Variants in HYAL3 observed in about 807,000 individuals in gnomAD.
The protein encoded by HYAL3 is hyaluronidase 3.
Under a neutral mutation model 29.6 loss-of-function variants are expected in HYAL3, and 25 were observed. That is an observed-to-expected ratio of 0.85 (90% CI 0.62 to 1.18). HYAL3 has a LOEUF of 1.18. Ranked by LOEUF, HYAL3 falls within the 50% of genes most tolerant of loss-of-function variation. The pLI, the probability that HYAL3 is intolerant of heterozygous loss-of-function variation, is 0.00. For synonymous variants in HYAL3, 215 were observed against 218.3 expected (o/e 0.99, Z 0.13); for missense variants, 442 against 548.4 (o/e 0.81, Z 1.94).
intron 2 of HYAL3, 107 bp downstream of exon 2, chr3:50,294,602 G>GAACGCCTAGATTAGGACC: frequency 2.1e-6 from 2 of 937,092 alleles, no homozygotes; most frequent in Non-Finnish European, 3.0e-6. Flanking sequence ...CTTCCGCTGA[G>GAACGCCTAGATTAGGACC]AACGCCTAGA....
chr3:50,297,447 C>T lies in HYAL3; in HGVS notation c.-18+1766G>A, dbSNP rs782058461. On this transcript the variant is annotated intron_variant, in intron 1 of 3. Transcript: ENST00000336307. The surrounding 1 kb of genome is among the most constrained non-coding windows in gnomAD (Gnocchi z 4.3). ...CAGAGTCAGCTCAGCTGGGCTGGTA[C>T]TCAGGATCAGCTCCATCCGGTGTGT... 1.2e-6 allele frequency: 2 copies of T among 1,608,106 alleles called. No individual in the cohort carries two copies. Among genetic ancestry groups the T allele is most frequent in the Non-Finnish European group, 1.7e-6 (2 of 1,176,832 alleles).
At position 50,299,389 on chromosome 3, in the gene HYAL3, C is replaced by A; in HGVS notation, c.-194G>T. ...CGGCGTTCTAAGGCCTCCCAGCACC[C>A]GCGCGTCGCCGCTTAGAACCCGCCC... On this transcript the variant is annotated 5_prime_UTR_variant, in exon 1 of 4. Transcript: ENST00000336307. 1.4e-6 allele frequency: 2 copies of A among 1,410,770 alleles called. No individual in the cohort carries two copies. The highest frequency in any genetic ancestry group is 1.9e-6 in the Non-Finnish European group (2 of 1,043,884). The allele number at this position is 1,410,770 out of a possible 1,614,324, so 87.4% of individuals were successfully genotyped here. A position where few individuals can be genotyped will look rare whatever the true frequency, so the allele number is the denominator to read the frequency against.
In HYAL3 at chr3:50,293,389, C is replaced by G. The variant is rs1553710371; in HGVS notation, c.1111G>C (p.Asp371His). 4 of 1,613,626 alleles carry G rather than the reference C, an allele frequency of 2.5e-6. No individual in the cohort carries two copies. Among genetic ancestry groups the G allele is most frequent in the Non-Finnish European group, 3.4e-6 (4 of 1,180,028 alleles). Reference protein sequence around the residue: ...CHGHGRCARRDPGQMEAFLHL... With the variant: ...CHGHGRCARRHPGQMEAFLHL... ...AGAAAGGCTTCCATCTGTCCTGGAT[C>G]TCGCCGGGCACAGCGCCCGTGGCCA... is the stretch of plus-strand genomic sequence containing the variant. The change falls in exon 4 of 4, where the codon GAT becomes CAT. Residue 371 changes from aspartate (D) to histidine (H), a missense_variant. Asp to His is a moderately conservative substitution (Grantham distance 81). Coordinates refer to ENST00000336307, the MANE Select transcript of HYAL3 (RefSeq NM_003549.4).
intron 1 of HYAL3, among the ~76,000 whole-genome samples, chr3:50,296,195 G>A (rs1448233069): frequency 6.6e-6 from 1 of 152,160 alleles, no homozygotes; most frequent in African/African-American, 2.4e-5. Context: ...CACACAGTAG[G>A]TGCTCAGTGA....
At chr3:50,294,375 C>G (rs1701762397) in intron 2 of HYAL3, among the ~76,000 whole-genome samples, 1 of 152,158 alleles carries the variant, frequency 6.6e-6, no homozygotes, top group South Asian at 2.1e-4. Flanking sequence ...TCAAGGAATC[C>G]TTCCATCTCA....
In HYAL3 at chr3:50,297,067, G is replaced by A. The variant is rs782356090; in HGVS notation, c.-17-1448C>T. 2.6e-6 allele frequency: 4 copies of A among 1,535,956 alleles called. No homozygotes were observed. Among genetic ancestry groups the A allele is most frequent in the East Asian group, 4.5e-5 (2 of 44,190 alleles). The stretch of plus-strand genomic sequence containing the variant: ...ACTGTCTCCACTAAGAGGCTCTGGG[G>A]CTGGTTCAGCACCCGTGACAGGCGG... On this transcript the variant is annotated intron_variant, in intron 1 of 3. Transcript: ENST00000336307. This position sits in a 1 kb window ranked among gnomAD's most constrained non-coding sequence, Gnocchi z 4.3.
intron 1 of HYAL3, chr3:50,296,941 T>C: frequency 6.2e-7 from 1 of 1,607,392 alleles, no homozygotes; most frequent in Non-Finnish European, 8.5e-7. Flanking sequence ...TCATGGGTGG[T>C]GAGATGCAGC....
chr3:50,295,842 CT>C, intron 1 of HYAL3: 1 of 546,328 alleles, frequency 1.8e-6, no homozygotes. Flanking sequence ...CCAAAGCGGG[CT>C]TTACAGTGAG....
intron 2 of HYAL3, 118 bp from the exon 3 acceptor site, chr3:50,293,839 G>T: frequency 1.1e-6 from 1 of 913,826 alleles, no homozygotes; most frequent in Non-Finnish European, 1.7e-6. Flanking sequence ...TCTACAGTAG[G>T]GACTCTCTAG....
At chr3:50,298,438 C>A (rs1701955101) in intron 1 of HYAL3, among the ~76,000 whole-genome samples, 1 of 151,904 alleles carries the variant, frequency 6.6e-6, no homozygotes, top group Admixed American at 6.6e-5. Flanking sequence ...TGGGCCTGGC[C>A]CACAGTCACA....
At position 50,293,212 on chromosome 3, in the gene HYAL3, G is replaced by T. The variant is rs1701722487; in HGVS notation, c.*34C>A. On this transcript the variant is annotated 3_prime_UTR_variant, in exon 4 of 4. Transcript: ENST00000336307. ...TTCCAGGACTGGAAAAGTGGCAGCA[G>T]GGAAAAGAAGAGGCAGTGGCAGGGG... 1 of 1,612,824 alleles carries T rather than the reference G, an allele frequency of 6.2e-7. No individual in the cohort carries two copies. The highest frequency in any genetic ancestry group is 1.1e-5 in the South Asian group (1 of 90,936).
Position 50,297,502 on chromosome 3 carries a change from G to A in HYAL3, c.-18+1711C>T. The stretch of plus-strand genomic sequence containing the variant: ...TCTAGTGTAGGGGTCAGCTTGGCTG[G>A]GCCAGGGCTCAGAGTCAGCTCTTGC... On this transcript the variant is annotated intron_variant, in intron 1 of 3. Transcript: ENST00000336307. The surrounding 1 kb of genome is among the most constrained non-coding windows in gnomAD (Gnocchi z 4.3). 7 of 1,547,088 alleles carry A rather than the reference G, an allele frequency of 4.5e-6. No individual in the cohort carries two copies. The highest frequency in any genetic ancestry group is 6.1e-6 in the Non-Finnish European group (7 of 1,143,022).
chr3:50,297,400 G>A lies in HYAL3; in HGVS notation c.-17-1781C>T, dbSNP rs782453794. 1 of 1,613,480 alleles carries A rather than the reference G, an allele frequency of 6.2e-7. No homozygotes were observed. The highest frequency in any genetic ancestry group is 8.5e-7 in the Non-Finnish European group (1 of 1,179,718). On this transcript the variant is annotated intron_variant, in intron 1 of 3. Transcript: ENST00000336307. This position sits in a 1 kb window ranked among gnomAD's most constrained non-coding sequence, Gnocchi z 4.3. ...GGTTGGCATGTGGAATCCAGGGGCA[G>A]CTTTGGCTGGCACGCAGGATCCAGA...
Position 50,297,251 on chromosome 3 carries a change from G to T in HYAL3, c.-17-1632C>A. 2 of 1,611,454 alleles carry T rather than the reference G, an allele frequency of 1.2e-6. No individual in the cohort carries two copies. Among genetic ancestry groups the T allele is most frequent in the Non-Finnish European group, 1.7e-6 (2 of 1,178,240 alleles). On this transcript the variant is annotated intron_variant, in intron 1 of 3. Coordinates refer to ENST00000336307, the MANE Select transcript of HYAL3 (RefSeq NM_003549.4). This position sits in a 1 kb window ranked among gnomAD's most constrained non-coding sequence, Gnocchi z 4.3. ...TGATGAGGTCAGCACAAGCATCCAG[G>T]AGCTCGGGTCGGCGGTGCACAGGCT...
In HYAL3 at chr3:50,292,952, T is replaced by C. The variant is rs149282865; in HGVS notation, c.*294A>G. ...GCACGGCCCATCTGTGACCTCTCCATGGGCTTAGTGAGGTGTAGGCACAAA... is the reference window on the plus strand; with the variant it reads ...GCACGGCCCATCTGTGACCTCTCCACGGGCTTAGTGAGGTGTAGGCACAAA... On this transcript the variant is annotated 3_prime_UTR_variant, in exon 4 of 4. Coordinates refer to ENST00000336307, the MANE Select transcript of HYAL3 (RefSeq NM_003549.4). 1.3e-4 allele frequency: 201 copies of C among 1,535,228 alleles called. 1 individual carries two copies. In the East Asian group the frequency reaches 4.8e-3, roughly 37 times the overall value.
rs1035668942 is a variant in HYAL3, at chr3:50,296,536, G to A, written c.-17-917C>T. The stretch of plus-strand genomic sequence containing the variant: ...CTAGGGGCTGAGGTATGGTCAGTGG[G>A]CTGAGGCTTGTAGACTGTCGGGGCA... On this transcript the variant is annotated intron_variant, in intron 1 of 3. Coordinates refer to ENST00000336307, the MANE Select transcript of HYAL3 (RefSeq NM_003549.4). 8.4e-6 allele frequency: 13 copies of A among 1,551,060 alleles called. No individual in the cohort carries two copies. In the African/African-American group the frequency reaches 1.6e-4, roughly 19 times the overall value.
Position 50,296,637 on chromosome 3 carries a change from C to A in HYAL3, c.-17-1018G>T, listed in dbSNP as rs377507869. 11 of 1,613,972 alleles carry A rather than the reference C, an allele frequency of 6.8e-6. No homozygotes were observed. The highest frequency in any genetic ancestry group is 1.3e-5 in the African/African-American group (1 of 74,902). On this transcript the variant is annotated intron_variant, in intron 1 of 3. Coordinates refer to ENST00000336307, the MANE Select transcript of HYAL3 (RefSeq NM_003549.4). Reference sequence around the variant, plus strand: ...TTTTTCCATCCAGAATATGGGGCGCCCCCTCACATTTTGATATTGTGTCTC... The same window carrying A: ...TTTTTCCATCCAGAATATGGGGCGCACCCTCACATTTTGATATTGTGTCTC...
intron 1 of HYAL3, chr3:50,298,016 G>C (rs1378045069): frequency 1.0e-6 from 1 of 986,188 alleles, no homozygotes; most frequent in Non-Finnish European, 1.2e-6. Context: ...TAACCACCAG[G>C]TCTATAAAAC....
At chr3:50,295,831 A>C in intron 1 of HYAL3, 1 of 561,676 alleles carries the variant, frequency 1.8e-6, no homozygotes, top group Admixed American at 2.9e-5. Context: ...GCAGGTGCAC[A>C]CCAAAGCGGG....
Sources: gnomAD v4.1 joint callset for allele counts (sites outside exome capture counted in the v4.1 genomes callset) on GRCh38, gnomAD v4.1.1 for gene constraint, Gnocchi (gnomAD v3.1) non-coding constraint, MANE v1.5 for transcripts, NCBI Gene and HGNC (gene_info 2026-07-23, HGNC 2026-07-21) for gene names.